The following PDZD2 variants were observed in gnomAD, a reference collection of about 807,000 sequenced individuals.
PDZD2 encodes the protein PDZ domain containing 2, also known as PDZ domain-containing protein 2.
A neutral mutation model predicts 220.7 loss-of-function variants in PDZD2; 90 were observed. That is an observed-to-expected ratio of 0.41 (90% CI 0.34 to 0.49). PDZD2 has a LOEUF of 0.49. Among genes scored for constraint, PDZD2 ranks in the 20% least tolerant of loss-of-function variants. The probability of loss-of-function intolerance (pLI) is 0.28; values close to 1 mark genes in which losing one functional copy is unlikely to be tolerated. For synonymous variants in PDZD2, 1,375 were observed against 1,450.5 expected (o/e 0.95, Z 1.18); for missense variants, 3,174 against 3,608.5 (o/e 0.88, Z 3.08).
chr5:32,027,708 G>A (rs1179648946), intron 6 of PDZD2, among the ~76,000 whole-genome samples: 1 of 152,236 alleles, frequency 6.6e-6, no homozygotes, highest in African/African-American at 2.4e-5. Context: ...GAGTGTAGCA[G>A]TAGATTCCTG....
At chr5:31,830,675 C>T (rs1457335651) in intron 2 of PDZD2, among the ~76,000 whole-genome samples, 1 of 152,054 alleles carries the variant, frequency 6.6e-6, no homozygotes, top group Non-Finnish European at 1.5e-5. Flanking sequence ...ATCCCTTTTT[C>T]CCAGACTTGC....
Position 32,108,172 on chromosome 5 carries a change from C to A in PDZD2, c.*37C>A, listed in dbSNP as rs767470816. ...AATCATTTTCTCAGTTCTCTTCTTTCTTTAGCAAATCAGAGTGACTTCTTT... is the reference window on the plus strand; with the variant it reads ...AATCATTTTCTCAGTTCTCTTCTTTATTTAGCAAATCAGAGTGACTTCTTT... On this transcript the variant is annotated 3_prime_UTR_variant, in exon 25 of 25. Transcript: ENST00000438447. 17 of 1,468,256 alleles carry A rather than the reference C, an allele frequency of 1.2e-5. No homozygotes were observed. Among genetic ancestry groups the A allele is most frequent in the Non-Finnish European group, 1.5e-5 (16 of 1,062,470 alleles). 91.0% of individuals were successfully genotyped at this position (1,468,256 alleles called of 1,614,324 possible). A position where few individuals can be genotyped will look rare whatever the true frequency, so the allele number is the denominator to read the frequency against.
chr5:31,979,045 G>A lies in PDZD2; in HGVS notation c.477-4110G>A, dbSNP rs746501059. Among the ~76,000 whole-genome samples the A allele has an allele frequency of 3.3e-5, 5 of 152,140 alleles. No homozygotes were observed. In the East Asian group the frequency reaches 7.7e-4, roughly 23 times the overall value. On this transcript the variant is annotated intron_variant, in intron 2 of 24. Coordinates refer to ENST00000438447, the MANE Select transcript of PDZD2 (RefSeq NM_178140.4). ...CTTCCAAGTTTCTTGGAACTTCCAT[G>A]AGAGTACAGGGGAGAAAGATATCTA... is the stretch of plus-strand genomic sequence containing the variant.
At chr5:31,689,983 C>T (rs959153199) in intron 1 of PDZD2, among the ~76,000 whole-genome samples, 1 of 152,034 alleles carries the variant, frequency 6.6e-6, no homozygotes, top group East Asian at 1.9e-4. Context: ...TCATCAAAAC[C>T]GCTACTTGGG....
At chr5:32,006,017 T>G (rs887248730) in intron 5 of PDZD2, among the ~76,000 whole-genome samples, 3 of 151,764 alleles carry the variant, frequency 2.0e-5, no homozygotes, top group African/African-American at 7.3e-5. Context: ...CATGGTGGCG[T>G]GCACCTGTAA....
chr5:31,947,717 TG>T (rs1746769691), intron 2 of PDZD2, among the ~76,000 whole-genome samples: 1 of 152,154 alleles, frequency 6.6e-6, no homozygotes, highest in African/African-American at 2.4e-5. Context: ...CTCAGGAGGT[TG>T]GGGCTGGAAA....
chr5:31,825,729 C>T (rs1756167545), intron 2 of PDZD2, among the ~76,000 whole-genome samples: 2 of 152,168 alleles, frequency 1.3e-5, no homozygotes, highest in African/African-American at 4.8e-5. Context: ...AGCACTACAC[C>T]AGCAGAGCAT....
At chr5:31,811,601 A>C (rs1755112176) in intron 2 of PDZD2, among the ~76,000 whole-genome samples, 2 of 152,196 alleles carry the variant, frequency 1.3e-5, no homozygotes, top group South Asian at 4.1e-4. Flanking sequence ...ATTTATTAAG[A>C]AATTTTGACC....
intron 1 of PDZD2, among the ~76,000 whole-genome samples, chr5:31,686,872 C>A (rs1746892664): frequency 1.3e-5 from 2 of 152,048 alleles, no homozygotes; most frequent in South Asian, 4.1e-4. Flanking sequence ...GTCTTTGTTT[C>A]TAGACTTTCC....
chr5:31,687,256 T>C (rs1746911276), intron 1 of PDZD2, among the ~76,000 whole-genome samples: 1 of 152,194 alleles, frequency 6.6e-6, no homozygotes, highest in Admixed American at 6.5e-5. Flanking sequence ...ATGAGTCCAC[T>C]CAGGCTTCCA....
chr5:32,040,321 G>A (rs1469115956), intron 7 of PDZD2, among the ~76,000 whole-genome samples: 2 of 149,382 alleles, frequency 1.3e-5, no homozygotes, highest in Middle Eastern at 3.7e-3. Flanking sequence ...CCTCTGCCCA[G>A]CTGCCCTGTC....
intron 2 of PDZD2, among the ~76,000 whole-genome samples, chr5:31,800,073 C>A (rs1279835318): frequency 6.6e-6 from 1 of 152,068 alleles, no homozygotes; most frequent in Non-Finnish European, 1.5e-5. Flanking sequence ...ACCCACACGG[C>A]CACCCACCAC....
chr5:31,802,968 A>G (rs1462206019), intron 2 of PDZD2, among the ~76,000 whole-genome samples: 6 of 150,602 alleles, frequency 4.0e-5, no homozygotes, highest in Non-Finnish European at 7.4e-5. Flanking sequence ...AATGGCTGTC[A>G]CGAAGTCTCA....
intron 1 of PDZD2, among the ~76,000 whole-genome samples, chr5:31,797,295 C>A (rs1412174455): frequency 6.6e-6 from 1 of 151,434 alleles, no homozygotes; most frequent in Non-Finnish European, 1.5e-5. Flanking sequence ...GACTAACATC[C>A]TGAATCACAG....
intron 3 of PDZD2, among the ~76,000 whole-genome samples, chr5:31,988,426 T>C (rs1407293651): frequency 9.3e-6 from 1 of 107,132 alleles, no homozygotes; most frequent in African/African-American, 3.5e-5. Context: ...GCTTCTGTCC[T>C]TGTGGAGATG....
chr5:31,905,452 C>T (rs1373155694), intron 2 of PDZD2, among the ~76,000 whole-genome samples: 3 of 152,210 alleles, frequency 2.0e-5, no homozygotes, highest in Non-Finnish European at 4.4e-5. Flanking sequence ...TGCTTTTCTT[C>T]CTCTTCTAAG....
At chr5:32,096,889 G>A (rs1449007247) in intron 21 of PDZD2, among the ~76,000 whole-genome samples, 1 of 134,306 alleles carries the variant, frequency 7.4e-6, no homozygotes. Flanking sequence ...AGGCTGAAGT[G>A]CAGTGGCGTG....
intron 2 of PDZD2, among the ~76,000 whole-genome samples, chr5:31,828,227 A>G (rs1756349198): frequency 6.6e-6 from 1 of 152,188 alleles, no homozygotes; most frequent in Non-Finnish European, 1.5e-5. Flanking sequence ...ATTGATGATG[A>G]TATAGTAACT....
intron 24 of PDZD2, among the ~76,000 whole-genome samples, chr5:32,102,006 ATTG>A (rs545489084): frequency 1.8e-3 from 267 of 152,294 alleles, no homozygotes; most frequent in African/African-American, 6.2e-3. Flanking sequence ...TTAGCTAAGG[ATTG>A]TTGTTTCTTT....
Sources: allele counts gnomAD v4.1 joint callset (sites outside exome capture counted in the v4.1 genomes callset), GRCh38; gene constraint gnomAD v4.1.1; transcripts MANE v1.5; gene names NCBI Gene and HGNC (gene_info 2026-07-23, HGNC 2026-07-21).